The following GRHL2 variants were observed in gnomAD, a reference collection of about 807,000 sequenced individuals.
GRHL2 encodes the protein grainyhead like transcription factor 2.
In GRHL2, 21 loss-of-function variants were observed where a neutral mutation model predicts 83.8. That is an observed-to-expected ratio of 0.25 (90% CI 0.18 to 0.36). The LOEUF is 0.36. GRHL2 is among the 10% of genes least tolerant of loss of function. GRHL2 has a pLI of 1.00. For missense variants in GRHL2, 623 were observed against 781.8 expected, an observed-to-expected ratio of 0.80 and a Z score of 2.42; for synonymous variants, 280 against 278.9, an observed-to-expected ratio of 1.00 and a Z score of -0.04.
intron 9 of GRHL2, among the ~76,000 whole-genome samples, chr8:101,625,361 A>G (rs1327957690): frequency 6.6e-6 from 1 of 152,108 alleles, no homozygotes; most frequent in Non-Finnish European, 1.5e-5. Flanking sequence ...AAGAAAAACA[A>G]AGAATAAAAG....
chr8:101,563,870 C>T (rs1711939597), intron 4 of GRHL2, among the ~76,000 whole-genome samples: 2 of 152,048 alleles, frequency 1.3e-5, no homozygotes, highest in African/African-American at 4.8e-5. Flanking sequence ...ATGTGAGGTA[C>T]ATGTTTTTTC....
chr8:101,608,755 A>T (rs1299045716), intron 8 of GRHL2, among the ~76,000 whole-genome samples: 6 of 142,310 alleles, frequency 4.2e-5, no homozygotes, highest in South Asian at 2.1e-4. Context: ...ACACACACAC[A>T]CACACACACA....
chr8:101,671,518 C>A (rs1445697617), downstream of GRHL2, among the ~76,000 whole-genome samples: 2 of 152,186 alleles, frequency 1.3e-5, no homozygotes, highest in Non-Finnish European at 2.9e-5. Context: ...CTTGATTAGG[C>A]AAACAAAGCA....
chr8:101,571,958 C>T (rs886559433), intron 5 of GRHL2, among the ~76,000 whole-genome samples: 18 of 152,170 alleles, frequency 1.2e-4, no homozygotes, highest in African/African-American at 4.1e-4. Flanking sequence ...TTTCTCTTTC[C>T]GCTGCTGCCA....
chr8:101,571,490 T>TA (rs55827087), intron 5 of GRHL2, among the ~76,000 whole-genome samples: 83,693 of 131,258 alleles, frequency 0.64, 26,525 homozygotes, highest in Non-Finnish European at 0.73. Flanking sequence ...CCCCATTACA[T>TA]AAAAAAAAAA....
chr8:101,510,049 G>T (rs1349255323), intron 1 of GRHL2, among the ~76,000 whole-genome samples: 2 of 152,232 alleles, frequency 1.3e-5, no homozygotes, highest in African/African-American at 4.8e-5. Flanking sequence ...AGAGTGCAGT[G>T]GTGTGATTTC....
At chr8:101,673,601 A>G (rs1250056421), downstream of GRHL2, among the ~76,000 whole-genome samples, 1 of 150,970 alleles carries the variant, frequency 6.6e-6, no homozygotes, top group Non-Finnish European at 1.5e-5. Flanking sequence ...AGAGACTTCG[A>G]CTCCCACACA....
chr8:101,663,335 C>T (rs769002155), intron 14 of GRHL2, among the ~76,000 whole-genome samples: 8 of 152,068 alleles, frequency 5.3e-5, no homozygotes, highest in Non-Finnish European at 7.4e-5. Context: ...AAAAATAGGC[C>T]GGGTGTGGTG....
At chr8:101,552,398 C>A (rs866895043) in intron 2 of GRHL2, among the ~76,000 whole-genome samples, 1 of 152,226 alleles carries the variant, frequency 6.6e-6, no homozygotes. Context: ...GCTCACATTG[C>A]TCCTCTCCCC....
At chr8:101,513,824 C>T (rs1487776752) in intron 1 of GRHL2, among the ~76,000 whole-genome samples, 2 of 151,998 alleles carry the variant, frequency 1.3e-5, no homozygotes, top group Non-Finnish European at 2.9e-5. Context: ...TGTGTTATAC[C>T]AGCTGATTTT....
At chr8:101,611,050 G>T (rs1332217687) in intron 8 of GRHL2, among the ~76,000 whole-genome samples, 1 of 150,960 alleles carries the variant, frequency 6.6e-6, no homozygotes, top group African/African-American at 2.5e-5. Context: ...AGGAGGCTGG[G>T]AACTTCCTTG....
intron 1 of GRHL2, among the ~76,000 whole-genome samples, chr8:101,508,394 T>TC (rs1194030245): frequency 2.0e-5 from 3 of 151,724 alleles, no homozygotes; most frequent in Non-Finnish European, 4.4e-5. Flanking sequence ...TCAGGTTTTT[T>TC]TTTTTTTTTC....
At chr8:101,671,873 G>A (rs1409916746), downstream of GRHL2, among the ~76,000 whole-genome samples, 1 of 152,152 alleles carries the variant, frequency 6.6e-6, no homozygotes, top group South Asian at 2.1e-4. Flanking sequence ...AGCACTTGCA[G>A]TTCACCAATA....
At chr8:101,613,374 T>A (rs1812790651) in intron 8 of GRHL2, among the ~76,000 whole-genome samples, 1 of 150,994 alleles carries the variant, frequency 6.6e-6, no homozygotes, top group East Asian at 1.9e-4. Flanking sequence ...TTGTACGTTT[T>A]ATGAAATCTA....
rs754212617 is a variant in GRHL2 at position 101,631,632 on chromosome 8, A to C, written c.1258-5A>C. 2 of 1,612,192 alleles carry C rather than the reference A, an allele frequency of 1.2e-6. No homozygotes were observed. Among genetic ancestry groups the C allele is most frequent in the South Asian group, 2.2e-5 (2 of 91,008 alleles). ...CATTTTCTGTATTTGTTTTTTTCCT[A>C]TCAGGGAGCAGAAAGAAAAATCCGA... On this transcript the variant is annotated splice_polypyrimidine_tract_variant and splice_region_variant and intron_variant, in intron 9 of 15. Transcript: ENST00000646743.
chr8:101,652,659 G>A (rs1366391614), intron 14 of GRHL2, among the ~76,000 whole-genome samples: 2 of 149,444 alleles, frequency 1.3e-5, no homozygotes, highest in African/African-American at 5.0e-5. Flanking sequence ...TTAGGGGTCG[G>A]CATATGGGCT....
At chr8:101,512,797 ATTGTC>A (rs773314198) in intron 1 of GRHL2, among the ~76,000 whole-genome samples, 3 of 152,076 alleles carry the variant, frequency 2.0e-5, no homozygotes, top group Non-Finnish European at 4.4e-5. Flanking sequence ...TTTCTTGGCT[ATTGTC>A]TTAGTGCAAT....
intron 9 of GRHL2, among the ~76,000 whole-genome samples, chr8:101,626,560 A>G (rs984716456): frequency 1.3e-5 from 2 of 152,058 alleles, no homozygotes; most frequent in African/African-American, 4.8e-5. Flanking sequence ...ATACATGTAG[A>G]GGAGCAACTT....
In GRHL2 at chr8:101,570,373, A is replaced by G; in HGVS notation, c.713A>G (p.Tyr238Cys). 1 of 1,613,990 alleles carries G rather than the reference A, an allele frequency of 6.2e-7. No individual in the cohort carries two copies. Among genetic ancestry groups the G allele is most frequent in the Non-Finnish European group, 8.5e-7 (1 of 1,179,862 alleles). Reference protein sequence around the residue: ...FRSASVGAEEYMYDQTSSGTF... With the variant: ...FRSASVGAEECMYDQTSSGTF... Reference sequence around the variant, plus strand: ...AGTGCTTCAGTTGGGGCTGAGGAGTACATGTATGATCAGACATCAAGGTGA... The same window carrying G: ...AGTGCTTCAGTTGGGGCTGAGGAGTGCATGTATGATCAGACATCAAGGTGA... Residue 238 changes from tyrosine to cysteine, a missense_variant, in exon 5 of 16, where the codon TAC (tyrosine) becomes TGC (cysteine). Transcript: ENST00000646743.
Sources: allele counts gnomAD v4.1 joint callset (sites outside exome capture counted in the v4.1 genomes callset), GRCh38; gene constraint gnomAD v4.1.1; transcripts MANE v1.5; gene names NCBI Gene and HGNC (gene_info 2026-07-23, HGNC 2026-07-21).